SAXO1: variants seen among roughly 807,000 people sequenced by gnomAD.
SAXO1 encodes the protein stabilizer of axonemal microtubules 1, also known as 4930500O09Rik.
SAXO1 carries 21 observed loss-of-function variants against 17.5 expected under a neutral mutation model. That is an observed-to-expected ratio of 1.20 (90% CI 0.85 to 1.72). SAXO1 has a LOEUF of 1.72. Ranked by LOEUF, SAXO1 falls within the 40% of genes most tolerant of loss-of-function variation. The pLI, the probability that SAXO1 is intolerant of heterozygous loss-of-function variation, is 0.00. For missense variants in SAXO1, 843 were observed against 596.0 expected (o/e 1.41, Z -4.32); for synonymous variants, 274 against 216.5 (o/e 1.27, Z -2.33).
At chr9:19,023,381 T>C (rs935860752) in intron 1 of SAXO1, among the ~76,000 whole-genome samples, 3 of 152,178 alleles carry the variant, frequency 2.0e-5, no homozygotes, top group African/African-American at 7.2e-5. Context: ...GATGCACGCA[T>C]TGTTCTACTT....
intron 1 of SAXO1, among the ~76,000 whole-genome samples, chr9:19,017,568 T>C (rs114581376): frequency 2.3e-3 from 355 of 152,334 alleles, no homozygotes; most frequent in African/African-American, 8.0e-3. Context: ...GCTGTGGCTC[T>C]GGCCTTCTGG....
chr9:19,011,628 C>T (rs1932453), intron 1 of SAXO1, among the ~76,000 whole-genome samples: 83,767 of 151,816 alleles, frequency 0.55, 23,661 homozygotes, highest in Non-Finnish European at 0.63. Flanking sequence ...GGTAGATACA[C>T]CGACTCAGTA....
chr9:18,999,898 A>C (rs1190701115), intron 1 of SAXO1, among the ~76,000 whole-genome samples: 3 of 92,368 alleles, frequency 3.2e-5, no homozygotes, highest in African/African-American at 8.2e-5. Flanking sequence ...CCGCCCCACC[A>C]TCTGGGAAGT....
At chr9:18,966,682 G>T (rs764794369) in intron 1 of SAXO1, among the ~76,000 whole-genome samples, 1 of 152,080 alleles carries the variant, frequency 6.6e-6, no homozygotes, top group Non-Finnish European at 1.5e-5. Flanking sequence ...CAATTGGGTA[G>T]GAACATGCTC....
chr9:18,931,346 G>C (rs2131670342), intron 3 of SAXO1, among the ~76,000 whole-genome samples: 2 of 152,268 alleles, frequency 1.3e-5, no homozygotes, highest in Middle Eastern at 3.4e-3. Flanking sequence ...GCCTGTATCA[G>C]TAGTTCACCT....
At chr9:19,030,092 T>C (rs1244980110) in intron 1 of SAXO1, among the ~76,000 whole-genome samples, 1 of 152,146 alleles carries the variant, frequency 6.6e-6, no homozygotes, top group African/African-American at 2.4e-5. Flanking sequence ...GCCACAGGGC[T>C]GGGTTAACAG....
intron 1 of SAXO1, among the ~76,000 whole-genome samples, chr9:18,994,344 C>G (rs1210814061): frequency 3.2e-4 from 49 of 152,314 alleles, no homozygotes; most frequent in Non-Finnish European, 1.5e-5. Context: ...GTTAAAGTTA[C>G]TGTTTTCTTA....
chr9:19,018,551 C>A (rs1190874126), intron 1 of SAXO1, among the ~76,000 whole-genome samples: 1 of 152,198 alleles, frequency 6.6e-6, no homozygotes, highest in Non-Finnish European at 1.5e-5. Flanking sequence ...ATACATTTCC[C>A]ACAAAAGTAT....
rs546921009 is a variant in SAXO1 at position 18,927,846 on chromosome 9, G to C, written c.*206C>G. The C allele has an allele frequency of 9.1e-6, 5 of 551,754 alleles. No individual in the cohort carries two copies. The highest frequency in any genetic ancestry group is 1.5e-5 in the Non-Finnish European group (5 of 324,104). 34.2% of individuals were successfully genotyped at this position (551,754 alleles called of 1,614,324 possible). A position where few individuals can be genotyped will look rare whatever the true frequency, so the allele number is the denominator to read the frequency against. ...GGGGTGGGGATGCAGTAAAGGAGAA[G>C]GTAAGGGGAGTTAATTAGCCGGTGA... On this transcript the variant is annotated 3_prime_UTR_variant, in exon 4 of 4. Coordinates refer to ENST00000380534, the MANE Select transcript of SAXO1 (RefSeq NM_153707.4).
chr9:18,948,453 C>G (rs1588425495), intron 2 of SAXO1, among the ~76,000 whole-genome samples: 2 of 152,160 alleles, frequency 1.3e-5, no homozygotes, highest in African/African-American at 4.8e-5. Flanking sequence ...TTTGGAAATT[C>G]TTGCAGAATC....
intron 1 of SAXO1, among the ~76,000 whole-genome samples, chr9:18,957,156 C>CT (rs1320337948): frequency 1.3e-5 from 2 of 152,226 alleles, no homozygotes; most frequent in Non-Finnish European, 2.9e-5. Flanking sequence ...AGACATCCTC[C>CT]TCTTTCCCAC....
At chr9:19,013,799 G>A (rs982961103) in intron 1 of SAXO1, among the ~76,000 whole-genome samples, 4 of 151,866 alleles carry the variant, frequency 2.6e-5, no homozygotes, top group African/African-American at 7.3e-5. Context: ...CACCCGCCTC[G>A]GCCTCCCAAA....
At chr9:19,001,677 AAG>A (rs1834274238) in intron 1 of SAXO1, among the ~76,000 whole-genome samples, 1 of 151,952 alleles carries the variant, frequency 6.6e-6, no homozygotes, top group Admixed American at 6.6e-5. Flanking sequence ...AAAAAAAAAA[AAG>A]ATGTTCTTTG....
intron 1 of SAXO1, among the ~76,000 whole-genome samples, chr9:18,965,858 G>A (rs552377508): frequency 6.6e-5 from 10 of 152,200 alleles, no homozygotes; most frequent in Middle Eastern, 6.8e-3. Flanking sequence ...TTTACATTTC[G>A]TTATGTTTTT....
intron 1 of SAXO1, among the ~76,000 whole-genome samples, chr9:19,031,676 T>C (rs1416397113): frequency 6.6e-6 from 1 of 152,200 alleles, no homozygotes; most frequent in Non-Finnish European, 1.5e-5. Context: ...AGACCCACGT[T>C]TGTACATGAT....
At chr9:18,960,415 T>C (rs12346001) in intron 1 of SAXO1, among the ~76,000 whole-genome samples, 2 of 152,062 alleles carry the variant, frequency 1.3e-5, no homozygotes, top group African/African-American at 4.8e-5. Flanking sequence ...AGCCTATTCC[T>C]AGCCTTCCCT....
Position 18,950,788 on chromosome 9 carries a change from G to A in SAXO1, c.188C>T (p.Pro63Leu). Residue 63 changes from proline to leucine, a missense_variant, in exon 2 of 4, where the codon CCT (proline) becomes CTT (leucine). Coordinates refer to ENST00000380534, the MANE Select transcript of SAXO1 (RefSeq NM_153707.4). ...TGTAGTCAGGCCTTCCATTGGTATAGGCCCTTTCTGGTACTCCCGCCTTGG... is the reference window on the plus strand; with the variant it reads ...TGTAGTCAGGCCTTCCATTGGTATAAGCCCTTTCTGGTACTCCCGCCTTGG... The part of the protein sequence containing the change: ...FKPRREYQKG[P>L]IPMEGLTTSR... 1 of 1,613,666 alleles carries A rather than the reference G, an allele frequency of 6.2e-7. No individual in the cohort carries two copies.
At chr9:18,942,206 A>T (rs73648809) in intron 2 of SAXO1, among the ~76,000 whole-genome samples, 1 of 151,976 alleles carries the variant, frequency 6.6e-6, no homozygotes, top group African/African-American at 2.4e-5. Flanking sequence ...CTATTCAATC[A>T]CCATAATGTG....
intron 1 of SAXO1, among the ~76,000 whole-genome samples, chr9:18,997,988 G>A (rs554305689): frequency 3.2e-4 from 48 of 152,280 alleles, no homozygotes; most frequent in Admixed American, 2.4e-3. Context: ...ACCAAAGGTA[G>A]ATAAAACCTC....
Sources: gnomAD v4.1 joint callset for allele counts (sites outside exome capture counted in the v4.1 genomes callset) on GRCh38, gnomAD v4.1.1 for gene constraint, MANE v1.5 for transcripts, NCBI Gene and HGNC (gene_info 2026-07-23, HGNC 2026-07-21) for gene names.